Variants in PVT1 observed in about 807,000 individuals in gnomAD.
PVT1 encodes Pvt1 oncogene.
At chr8:128,000,026 C>A (rs1219535801) in intron 4 of PVT1, among the ~76,000 whole-genome samples, 1 of 152,194 alleles carries the variant, frequency 6.6e-6, no homozygotes, top group Non-Finnish European at 1.5e-5. Context: ...ATGTGTCTCT[C>A]CCTGGGCTTC....
chr8:128,027,895 GCC>G (rs1813331507), intron 4 of PVT1, among the ~76,000 whole-genome samples: 1 of 152,210 alleles, frequency 6.6e-6, no homozygotes, highest in Admixed American at 6.5e-5. Flanking sequence ...CCAAGGCACA[GCC>G]TTCCCTGAGC....
chr8:127,884,943 G>A (rs1362582119), intron 2 of PVT1, among the ~76,000 whole-genome samples: 2 of 152,156 alleles, frequency 1.3e-5, no homozygotes, highest in Non-Finnish European at 1.5e-5. Flanking sequence ...TAATGGATCC[G>A]ACCCCAACAG....
chr8:128,087,844 C>T (rs1048019148), intron 5 of PVT1, among the ~76,000 whole-genome samples: 6 of 147,782 alleles, frequency 4.1e-5, no homozygotes, highest in African/African-American at 1.5e-4. Flanking sequence ...CCTCCACCTT[C>T]CACCTCCCAG....
rs1813546600 is a variant in PVT1 at position 128,041,632 on chromosome 8, G to T, written n.913-28528G>T. ...TTTGGTGTGTGTGTGTGTGTTGTGTGCATGTGTGGTGAATGTGTGTGTATT... is the reference window on the plus strand; with the variant it reads ...TTTGGTGTGTGTGTGTGTGTTGTGTTCATGTGTGGTGAATGTGTGTGTATT... On this transcript the variant is annotated intron_variant and non_coding_transcript_variant, in intron 4 of 10. Coordinates refer to ENST00000651587, the Ensembl canonical transcript of PVT1. 1.3e-5 allele frequency among the ~76,000 whole-genome samples: 2 copies of T among 150,188 alleles called. 1 individual carries two copies. The highest frequency in any genetic ancestry group is 4.2e-4 in the South Asian group (2 of 4,728).
intron 4 of PVT1, among the ~76,000 whole-genome samples, chr8:128,047,631 G>C (rs967299350): frequency 4.6e-5 from 7 of 152,164 alleles, no homozygotes; most frequent in African/African-American, 1.4e-4. Context: ...ACACATGCAT[G>C]ATGAGAAGAG....
At chr8:127,961,650 T>C (rs545485079) in intron 3 of PVT1, among the ~76,000 whole-genome samples, 1 of 152,364 alleles carries the variant, frequency 6.6e-6, no homozygotes, top group African/African-American at 2.4e-5. Flanking sequence ...ACCTTGTCCG[T>C]ACCACTGAGC....
At chr8:127,985,312 G>A (rs1008346505) in intron 3 of PVT1, among the ~76,000 whole-genome samples, 1 of 151,864 alleles carries the variant, frequency 6.6e-6, no homozygotes, top group Non-Finnish European at 1.5e-5. Context: ...GATTACAGGC[G>A]TGAGCCACCG....
chr8:127,842,316 A>C (rs1279194026), intron 2 of PVT1, among the ~76,000 whole-genome samples: 2 of 151,448 alleles, frequency 1.3e-5, no homozygotes, highest in Admixed American at 6.6e-5. Flanking sequence ...GTGCAGAAGT[A>C]CAATCATATC....
At chr8:127,915,612 CA>C (rs61238663) in intron 3 of PVT1, among the ~76,000 whole-genome samples, 4,281 of 64,354 alleles carry the variant, frequency 0.067, 97 homozygotes, top group African/African-American at 0.17. Flanking sequence ...AACTCCATCT[CA>C]AAAAAAAAAA....
chr8:127,796,048 G>GA (rs1814392091), exon 2 of PVT1: 1 of 170,314 alleles, frequency 5.9e-6, no homozygotes, highest in Admixed American at 6.5e-5. Context: ...CGGCACAAGG[G>GA]CCCAACTGGA....
intron 2 of PVT1, among the ~76,000 whole-genome samples, chr8:127,823,040 T>G (rs1289651505): frequency 1.3e-5 from 2 of 152,226 alleles, no homozygotes; most frequent in South Asian, 2.1e-4. Flanking sequence ...GAAGAAAGAT[T>G]GCTATTTCCA....
chr8:127,970,257 G>T (rs775418840), intron 3 of PVT1, among the ~76,000 whole-genome samples: 30 of 133,542 alleles, frequency 2.2e-4, no homozygotes, highest in Non-Finnish European at 4.5e-4. Context: ...AGTTTTGTCC[G>T]CATTCACATT....
At chr8:128,079,488 T>A (rs371170845) in intron 5 of PVT1, among the ~76,000 whole-genome samples, 1 of 152,222 alleles carries the variant, frequency 6.6e-6, no homozygotes, top group Non-Finnish European at 1.5e-5. Flanking sequence ...ATAGTTTACA[T>A]TGGGCTTCAC....
At chr8:128,043,858 G>A (rs1357857648) in intron 4 of PVT1, among the ~76,000 whole-genome samples, 1 of 142,848 alleles carries the variant, frequency 7.0e-6, no homozygotes, top group Admixed American at 7.0e-5. Context: ...TTTAAAGACA[G>A]GGTCTTGCTC....
At chr8:127,986,612 G>T (rs1196902613) in intron 3 of PVT1, among the ~76,000 whole-genome samples, 1 of 152,126 alleles carries the variant, frequency 6.6e-6, no homozygotes, top group Non-Finnish European at 1.5e-5. Flanking sequence ...TATTGGCATT[G>T]GCATATTTCT....
intron 3 of PVT1, among the ~76,000 whole-genome samples, chr8:127,944,963 G>C (rs966534956): frequency 5.3e-5 from 8 of 152,128 alleles, no homozygotes; most frequent in African/African-American, 1.9e-4. Context: ...ACATAGAAAA[G>C]CTTTCCGGGG....
chr8:127,978,323 A>T (rs1006196012), intron 3 of PVT1, among the ~76,000 whole-genome samples: 9 of 123,238 alleles, frequency 7.3e-5, no homozygotes, highest in African/African-American at 2.3e-4. Context: ...TGGCTAATTT[A>T]AAAAAAAATT....
intron 4 of PVT1, among the ~76,000 whole-genome samples, chr8:128,057,640 G>A (rs1813777886): frequency 6.6e-6 from 1 of 152,188 alleles, no homozygotes; most frequent in Non-Finnish European, 1.5e-5. Flanking sequence ...ACTGCTCACT[G>A]CCTGTCTCTG....
At chr8:127,999,051 C>T (rs1481298655) in intron 4 of PVT1, 4 of 152,182 alleles carry the variant, frequency 2.6e-5, no homozygotes, top group Non-Finnish European at 5.9e-5. Context: ...GTTGTTTCCT[C>T]CAGATCTTCT....
Sources: allele counts gnomAD v4.1 joint callset (sites outside exome capture counted in the v4.1 genomes callset), GRCh38; gene constraint gnomAD v4.1.1; transcripts MANE v1.5; gene names NCBI Gene and HGNC (gene_info 2026-07-23, HGNC 2026-07-21).